PHC2: variants seen among roughly 807,000 people sequenced by gnomAD.
PHC2 encodes the protein polyhomeotic-like protein 2.
A neutral mutation model predicts 87.4 loss-of-function variants in PHC2; 29 were observed. The ratio of observed to expected loss-of-function variants is 0.33; its 90% confidence interval spans 0.25 to 0.45. PHC2 has a LOEUF of 0.45. Among genes scored for constraint, PHC2 ranks in the 20% least tolerant of loss-of-function variants. The pLI, the probability that PHC2 is intolerant of heterozygous loss-of-function variation, is 1.00. For synonymous variants in PHC2, 438 were observed against 461.7 expected (o/e 0.95, Z 0.66); for missense variants, 857 against 1,136.7 (o/e 0.75, Z 3.54).
chr1:33,338,547 C>A (rs2148224593), intron 9 of PHC2, among the ~76,000 whole-genome samples: 1 of 152,326 alleles, frequency 6.6e-6, no homozygotes, highest in South Asian at 2.1e-4. Context: ...CACAATCTCG[C>A]CCCCTGCCAA....
At chr1:33,430,090 A>T (rs959586268) in intron 1 of PHC2, among the ~76,000 whole-genome samples, 2 of 152,036 alleles carry the variant, frequency 1.3e-5, no homozygotes, top group African/African-American at 4.8e-5. Flanking sequence ...GGGGAGGGGG[A>T]TAATTACAAG....
rs556870672 is a variant in PHC2, at chr1:33,356,029, C to T, written c.977-776G>A. On this transcript the variant is annotated intron_variant, in intron 7 of 14. Coordinates refer to ENST00000683057, the MANE Select transcript of PHC2 (RefSeq NM_001385109.1). Reference sequence around the variant, plus strand: ...AGTCTGGTTTAGGTTCTTAAAGTATCCAGGGTCTACCTCTATCATAATAAT... The same window carrying T: ...AGTCTGGTTTAGGTTCTTAAAGTATTCAGGGTCTACCTCTATCATAATAAT... 2.6e-5 allele frequency among the ~76,000 whole-genome samples: 4 copies of T among 152,018 alleles called. No homozygotes were observed. In the South Asian group the frequency reaches 8.3e-4, roughly 32 times the overall value.
In PHC2 at chr1:33,368,009, C is replaced by A. The variant is rs1222451831; in HGVS notation, c.663+527G>T. On this transcript the variant is annotated intron_variant, in intron 6 of 14. Coordinates refer to ENST00000683057, the MANE Select transcript of PHC2 (RefSeq NM_001385109.1). This position sits in a 1 kb window ranked among gnomAD's most constrained non-coding sequence, Gnocchi z 6.6. ...AATCCGGCTACCAGCCCTGTCCCAT[C>A]ACCCTCCCCATTCCGTAGATGAGGA... 6.6e-6 allele frequency among the ~76,000 whole-genome samples: 1 copy of A among 152,208 alleles called. No individual in the cohort carries two copies. Among genetic ancestry groups the A allele is most frequent in the Non-Finnish European group, 1.5e-5 (1 of 68,034 alleles).
At chr1:33,379,442 A>C (rs1324794936) in intron 1 of PHC2, among the ~76,000 whole-genome samples, 1 of 9,154 alleles carries the variant, frequency 1.1e-4, no homozygotes, top group Non-Finnish European at 1.9e-4. Context: ...CTGTCCCCCC[A>C]CCATCCCCCC....
chr1:33,409,124 A>G (rs574385610), intron 1 of PHC2, among the ~76,000 whole-genome samples: 51 of 152,346 alleles, frequency 3.3e-4, no homozygotes, highest in Non-Finnish European at 6.0e-4. Context: ...ATTGGGGTAT[A>G]TTTAAAAAAT....
chr1:33,371,258 C>T (rs1647814989), intron 3 of PHC2, among the ~76,000 whole-genome samples, 164 bp from the exon 4 acceptor site: 1 of 152,188 alleles, frequency 6.6e-6, no homozygotes. Flanking sequence ...TATCCCGCCT[C>T]CTCTGTGAAT....
chr1:33,425,807 C>T (rs1650644463), intron 1 of PHC2, among the ~76,000 whole-genome samples: 1 of 152,192 alleles, frequency 6.6e-6, no homozygotes. Flanking sequence ...ATGATGTATA[C>T]TGCAGTTTAT....
At chr1:33,399,667 T>G (rs900403175) in intron 1 of PHC2, among the ~76,000 whole-genome samples, 2 of 152,072 alleles carry the variant, frequency 1.3e-5, no homozygotes, top group Non-Finnish European at 2.9e-5. Context: ...GAAATTTCTA[T>G]AGTAAGGCCC....
intron 1 of PHC2, among the ~76,000 whole-genome samples, chr1:33,384,555 C>T (rs547357090): frequency 2.6e-5 from 4 of 152,338 alleles, no homozygotes; most frequent in South Asian, 4.1e-4. Flanking sequence ...TTGCCTACCA[C>T]GTGCTCCCAC....
chr1:33,373,173 A>G (rs1308635332), intron 2 of PHC2, among the ~76,000 whole-genome samples: 2 of 152,058 alleles, frequency 1.3e-5, no homozygotes, highest in Non-Finnish European at 2.9e-5. Flanking sequence ...GCTGGAGTGC[A>G]ATGGCGTGAT....
intron 9 of PHC2, among the ~76,000 whole-genome samples, chr1:33,351,412 G>A (rs1382878799): frequency 1.3e-5 from 2 of 152,172 alleles, no homozygotes; most frequent in East Asian, 1.9e-4. Flanking sequence ...ACAATGCCTC[G>A]TCCTCCCTGA....
intron 9 of PHC2, chr1:33,346,900 C>T (rs1646854494): frequency 1.0e-6 from 1 of 985,304 alleles, no homozygotes. Context: ...AGACAATAAT[C>T]ATGTTCTGTG....
In PHC2 at chr1:33,349,494, C is replaced by T; in HGVS notation, c.1558+4907G>A. On this transcript the variant is annotated intron_variant, in intron 9 of 14. Transcript: ENST00000683057. The surrounding 1 kb of genome is among the most constrained non-coding windows in gnomAD (Gnocchi z 4.2). ...GCACGGCCTGGCAGCCGCGTAGGCC[C>T]GGGCCGTTAGGGGCACCGAGGGCGG... 8.1e-6 allele frequency: 8 copies of T among 985,198 alleles called. No individual in the cohort carries two copies. Among genetic ancestry groups the T allele is most frequent in the African/African-American group, 5.2e-5 (3 of 57,312 alleles). The allele number at this position is 985,198 out of a possible 1,614,324, so 61.0% of individuals were successfully genotyped here.
chr1:33,390,225 GA>G (rs1164795516), intron 1 of PHC2, among the ~76,000 whole-genome samples: 2 of 152,148 alleles, frequency 1.3e-5, no homozygotes, highest in Non-Finnish European at 2.9e-5. Flanking sequence ...ATAATTCTGT[GA>G]AAACTTTTTA....
At chr1:33,393,446 T>C (rs980700433) in intron 1 of PHC2, among the ~76,000 whole-genome samples, 4 of 147,012 alleles carry the variant, frequency 2.7e-5, no homozygotes, top group South Asian at 4.3e-4. Flanking sequence ...ACATCACTTA[T>C]AAGACCTTTT....
At chr1:33,344,927 AG>A (rs1037169231) in intron 9 of PHC2, among the ~76,000 whole-genome samples, 9 of 151,846 alleles carry the variant, frequency 5.9e-5, no homozygotes, top group Admixed American at 3.3e-4. Flanking sequence ...GCTTCATATT[AG>A]TTTTGTTTTA....
In PHC2 at chr1:33,390,482, A is replaced by C. The variant is rs193249682; in HGVS notation, c.-54-14889T>G. On this transcript the variant is annotated intron_variant, in intron 1 of 14. Transcript: ENST00000683057. Reference sequence around the variant, plus strand: ...GACAGCCACAAAGTGGTCAAGTATAAAAGTCCATCTCTTTTGGATTCCCAC... The same window carrying C: ...GACAGCCACAAAGTGGTCAAGTATACAAGTCCATCTCTTTTGGATTCCCAC... Among the ~76,000 whole-genome samples, 7 of 152,254 alleles carry C rather than the reference A, an allele frequency of 4.6e-5. No individual in the cohort carries two copies. The East Asian group carries it at 1.4e-3, about 29-fold the overall frequency.
rs11322060 is a variant in PHC2 at position 33,424,097 on chromosome 1, C to CA, written c.-55+6878dup. ...AGGTCGACAGAACGAGACTCCGTCT[C>CA]AAAAAAAAAAAAAACAAAAAAAACA... is the stretch of plus-strand genomic sequence containing the variant. On this transcript the variant is annotated intron_variant, in intron 1 of 14. Transcript: ENST00000683057. 4.7e-3 allele frequency among the ~76,000 whole-genome samples: 510 copies of CA among 108,528 alleles called. 3 individuals carry two copies. Among genetic ancestry groups the CA allele is most frequent in the African/African-American group, 0.013 (357 of 27,124 alleles). 71.2% of individuals were successfully genotyped at this position (108,528 alleles called of 152,430 possible).
Position 33,368,979 on chromosome 1 carries a change from C to A in PHC2, c.577-357G>T, listed in dbSNP as rs112189849. ...AGAGGAGACCGATATCCCCAGGATA[C>A]GCTGAAGCCACCACCTCCTTAGCGT... is the stretch of plus-strand genomic sequence containing the variant. On this transcript the variant is annotated intron_variant, in intron 5 of 14. Coordinates refer to ENST00000683057, the MANE Select transcript of PHC2 (RefSeq NM_001385109.1). The surrounding 1 kb of genome is among the most constrained non-coding windows in gnomAD (Gnocchi z 6.6). Among the ~76,000 whole-genome samples the A allele has an allele frequency of 6.6e-6, 1 of 152,130 alleles. No homozygotes were observed. Among genetic ancestry groups the A allele is most frequent in the East Asian group, 1.9e-4 (1 of 5,192 alleles).
Sources: allele counts gnomAD v4.1 joint callset (sites outside exome capture counted in the v4.1 genomes callset), GRCh38; gene constraint gnomAD v4.1.1; non-coding constraint Gnocchi (gnomAD v3.1); transcripts MANE v1.5; gene names NCBI Gene and HGNC (gene_info 2026-07-23, HGNC 2026-07-21).